TMEM163: variants seen among roughly 807,000 people sequenced by gnomAD.
TMEM163 encodes the protein transmembrane protein 163.
In TMEM163, 17 loss-of-function variants were observed where a neutral mutation model predicts 29.3. The observed-to-expected ratio is 0.58, with a 90% CI of 0.40 to 0.87. The LOEUF is 0.87. Ranked by LOEUF, TMEM163 falls within the 40% of genes least tolerant of loss-of-function variation. The pLI is 0.00. For missense variants in TMEM163, 303 were observed against 381.5 expected (o/e 0.79, Z 1.71); for synonymous variants, 157 against 160.6 (o/e 0.98, Z 0.17).
At chr2:134,497,675 T>C (rs1015835568) in intron 5 of TMEM163, among the ~76,000 whole-genome samples, 4 of 152,240 alleles carry the variant, frequency 2.6e-5, no homozygotes, top group Admixed American at 6.5e-5. Flanking sequence ...AGTTCTGTTG[T>C]GGAGTACTGG....
intron 2 of TMEM163, among the ~76,000 whole-genome samples, chr2:134,600,244 G>A (rs1370098260): frequency 6.6e-6 from 1 of 152,180 alleles, no homozygotes; most frequent in Non-Finnish European, 1.5e-5. Flanking sequence ...AATCCTCACA[G>A]GTAATGAAGG....
intron 4 of TMEM163, among the ~76,000 whole-genome samples, chr2:134,547,440 A>G (rs947029043): frequency 1.3e-5 from 2 of 152,184 alleles, no homozygotes; most frequent in African/African-American, 4.8e-5. Context: ...GTCCAGTTCA[A>G]AAAAATAAAG....
intron 4 of TMEM163, among the ~76,000 whole-genome samples, chr2:134,527,544 A>T (rs931249782): frequency 1.3e-5 from 2 of 152,212 alleles, no homozygotes; most frequent in African/African-American, 2.4e-5. Context: ...GTGGCAGGAA[A>T]TTGAAGGTCT....
intron 2 of TMEM163, among the ~76,000 whole-genome samples, chr2:134,575,888 G>A (rs1681544057): frequency 6.6e-6 from 1 of 152,130 alleles, no homozygotes; most frequent in Non-Finnish European, 1.5e-5. Context: ...ACAGGCCCCA[G>A]GAAGAGTGAG....
intron 2 of TMEM163, among the ~76,000 whole-genome samples, chr2:134,698,998 G>A (rs528676063): frequency 6.6e-6 from 1 of 152,176 alleles, no homozygotes; most frequent in Admixed American, 6.5e-5. Context: ...CAACTCACTA[G>A]TAAGGCATAA....
chr2:134,542,799 C>T (rs900553866), intron 4 of TMEM163, among the ~76,000 whole-genome samples: 1 of 152,172 alleles, frequency 6.6e-6, no homozygotes, highest in African/African-American at 2.4e-5. Flanking sequence ...CAGGGCCACC[C>T]TCCCTATTAA....
chr2:134,709,429 A>C (rs1684882618), intron 2 of TMEM163, among the ~76,000 whole-genome samples: 1 of 152,202 alleles, frequency 6.6e-6, no homozygotes, highest in South Asian at 2.1e-4. Flanking sequence ...TTGAAAGTCC[A>C]CCTAATTTTT....
chr2:134,546,425 T>A (rs969884278), intron 4 of TMEM163, among the ~76,000 whole-genome samples: 1 of 152,216 alleles, frequency 6.6e-6, no homozygotes, highest in African/African-American at 2.4e-5. Flanking sequence ...GGCAGATCCC[T>A]GAGGCCAGGA....
intron 2 of TMEM163, among the ~76,000 whole-genome samples, chr2:134,592,669 TG>T (rs758500815): frequency 5.3e-5 from 8 of 152,072 alleles, no homozygotes; most frequent in Non-Finnish European, 7.4e-5. Context: ...CCCAGGGGGT[TG>T]GGGAGGGGGT....
intron 2 of TMEM163, among the ~76,000 whole-genome samples, chr2:134,597,914 AGT>A (rs1231561456): frequency 6.6e-6 from 1 of 152,176 alleles, no homozygotes; most frequent in Non-Finnish European, 1.5e-5. Context: ...AGGTATTTAT[AGT>A]ATTCTCTGAT....
rs189395773 is a variant in TMEM163, at chr2:134,647,731, G to A, written c.322+65469C>T. 9.7e-4 allele frequency among the ~76,000 whole-genome samples: 148 copies of A among 152,324 alleles called. 2 individuals are homozygous for A. In the East Asian group the frequency reaches 0.012, roughly 12 times the overall value. Reference sequence around the variant, plus strand: ...TTCACAGGTGGAAACTGGAGTGCACGGGTGCTAGAGCTAGCTGGCTGCTTC... The same window carrying A: ...TTCACAGGTGGAAACTGGAGTGCACAGGTGCTAGAGCTAGCTGGCTGCTTC... On this transcript the variant is annotated intron_variant, in intron 2 of 7. Coordinates refer to ENST00000281924, the MANE Select transcript of TMEM163 (RefSeq NM_030923.5).
chr2:134,551,398 G>A (rs934756901), intron 3 of TMEM163, among the ~76,000 whole-genome samples: 3 of 152,156 alleles, frequency 2.0e-5, no homozygotes, highest in Non-Finnish European at 4.4e-5. Flanking sequence ...GCAGAAGTGG[G>A]TCTGGGAACA....
chr2:134,611,588 G>A (rs1682504822), intron 2 of TMEM163, among the ~76,000 whole-genome samples: 1 of 151,916 alleles, frequency 6.6e-6, no homozygotes, highest in Non-Finnish European at 1.5e-5. Context: ...ACAATAACAA[G>A]GAACAACATT....
intron 5 of TMEM163, among the ~76,000 whole-genome samples, chr2:134,497,272 T>C (rs752914681): frequency 8.5e-5 from 13 of 152,222 alleles, no homozygotes; most frequent in Non-Finnish European, 1.8e-4. Flanking sequence ...TGACTCTGAA[T>C]CCCAAGTGCC....
At chr2:134,681,733 T>C (rs1014796814) in intron 2 of TMEM163, among the ~76,000 whole-genome samples, 3 of 152,212 alleles carry the variant, frequency 2.0e-5, no homozygotes, top group Non-Finnish European at 4.4e-5. Flanking sequence ...TCCCAGCACA[T>C]GGCAACTTCA....
chr2:134,507,429 G>A (rs571597556), intron 4 of TMEM163, among the ~76,000 whole-genome samples: 169 of 152,266 alleles, frequency 1.1e-3, no homozygotes, highest in African/African-American at 3.9e-3. Context: ...AGCAGCACCC[G>A]CGTCACATAA....
chr2:134,483,587 A>T (rs957132428), intron 5 of TMEM163, among the ~76,000 whole-genome samples: 6 of 152,196 alleles, frequency 3.9e-5, no homozygotes, highest in African/African-American at 1.4e-4. Context: ...TTGAAACATA[A>T]CTGTCACAAG....
chr2:134,553,669 C>T (rs1680981521), intron 2 of TMEM163, among the ~76,000 whole-genome samples: 1 of 152,164 alleles, frequency 6.6e-6, no homozygotes, highest in Non-Finnish European at 1.5e-5. Flanking sequence ...CCCTAACCAC[C>T]GTTGTTTTTG....
chr2:134,536,231 A>AT (rs34515003), intron 4 of TMEM163, among the ~76,000 whole-genome samples: 2 of 151,602 alleles, frequency 1.3e-5, no homozygotes, highest in African/African-American at 2.4e-5. Flanking sequence ...CTAAAACACC[A>AT]TTTTTTTTGC....
Sources: allele counts gnomAD v4.1 joint callset (sites outside exome capture counted in the v4.1 genomes callset), GRCh38; gene constraint gnomAD v4.1.1; transcripts MANE v1.5; gene names NCBI Gene and HGNC (gene_info 2026-07-23, HGNC 2026-07-21).